COL22A1: variants seen among roughly 807,000 people sequenced by gnomAD.
COL22A1 encodes collagen alpha-1(XXII) chain.
In COL22A1, 221 loss-of-function variants were observed where a neutral mutation model predicts 248.9. That is an observed-to-expected ratio of 0.89 (90% CI 0.80 to 0.99). The LOEUF (loss-of-function observed/expected upper bound fraction) is 0.99. Ranked by LOEUF, COL22A1 falls within the 50% of genes least tolerant of loss-of-function variation. The pLI, the probability that COL22A1 is intolerant of heterozygous loss-of-function variation, is 0.00. For synonymous variants in COL22A1, 891 were observed against 793.4 expected, an observed-to-expected ratio of 1.12 and a Z score of -2.07; for missense variants, 2,240 against 2,179.0, an observed-to-expected ratio of 1.03 and a Z score of -0.56.
At chr8:138,743,192 GTGA>G (rs1831807424) in intron 22 of COL22A1, among the ~76,000 whole-genome samples, 1 of 151,018 alleles carries the variant, frequency 6.6e-6, no homozygotes, top group Admixed American at 6.6e-5. Context: ...GGAGTTGATG[GTGA>G]TGATGATGGT....
At chr8:138,879,010 A>AAACAAAACAG (rs1432459491) in intron 2 of COL22A1, among the ~76,000 whole-genome samples, 71 of 152,076 alleles carry the variant, frequency 4.7e-4, no homozygotes, top group African/African-American at 1.7e-3. Context: ...TCTGTCTCAA[A>AAACAAAACAG]AACAAAACAA....
intron 15 of COL22A1, 91 bp downstream of exon 15, chr8:138,778,262 T>C (rs1211864835): frequency 7.2e-7 from 1 of 1,397,662 alleles, no homozygotes; most frequent in South Asian, 1.2e-5. Flanking sequence ...AGCATTACTG[T>C]CTAGATGCAG....
chr8:138,910,725 G>A (rs537557709), intron 1 of COL22A1, among the ~76,000 whole-genome samples: 10 of 152,176 alleles, frequency 6.6e-5, no homozygotes, highest in South Asian at 2.1e-4. Context: ...TGGAAGGCCC[G>A]CATCATTCCC....
At position 138,725,259 on chromosome 8, in the gene COL22A1, T is replaced by C. The variant is rs545561268; in HGVS notation, c.2193+128A>G. ...GCGGTTCTACGTGTCGGGGTCCTCC[T>C]GTGTGTGTTTTTGCACTGGACTTGG... On this transcript the variant is annotated intron_variant, in intron 24 of 64. Transcript: ENST00000303045. 1.5e-4 allele frequency: 146 copies of C among 965,242 alleles called. No individual in the cohort carries two copies. The African/African-American group carries it at 2.2e-3, about 15-fold the overall frequency. The allele number at this position is 965,242 out of a possible 1,614,324, so 59.8% of individuals were successfully genotyped here.
In COL22A1 at chr8:138,612,742, C is replaced by A. The variant is rs549568756; in HGVS notation, c.3978+1125G>T. On this transcript the variant is annotated intron_variant, in intron 56 of 64. Coordinates refer to ENST00000303045, the MANE Select transcript of COL22A1 (RefSeq NM_152888.3). The stretch of plus-strand genomic sequence containing the variant: ...AGGAGTTCGAAACCAGCCTGGCCAA[C>A]GTGGCAAAACCCCATCTCTACTAAA... Among the ~76,000 whole-genome samples, 15 of 151,738 alleles carry A rather than the reference C, an allele frequency of 9.9e-5. No individual in the cohort carries two copies. The South Asian group carries it at 3.1e-3, about 32-fold the overall frequency.
intron 56 of COL22A1, among the ~76,000 whole-genome samples, chr8:138,612,374 C>A (rs1316003160): frequency 6.6e-6 from 1 of 152,142 alleles, no homozygotes; most frequent in Non-Finnish European, 1.5e-5. Flanking sequence ...CCTTCTCCAT[C>A]CTCTCAGGCT....
intron 16 of COL22A1, 119 bp from the exon 17 acceptor site, chr8:138,762,585 C>CGT: frequency 1.5e-6 from 1 of 685,932 alleles, no homozygotes; most frequent in South Asian, 1.7e-5. Context: ...GCCAAACGCA[C>CGT]GTGCACACAC....
At chr8:138,623,483 C>A (rs968357891) in intron 52 of COL22A1, among the ~76,000 whole-genome samples, 2 of 152,038 alleles carry the variant, frequency 1.3e-5, no homozygotes, top group African/African-American at 4.8e-5. Context: ...GCCCTGGGCT[C>A]AGGTTCAGAT....
In COL22A1 at chr8:138,724,700, T is replaced by C. The variant is rs1366346427; in HGVS notation, c.2194-32A>G. The C allele has an allele frequency of 1.9e-6, 3 of 1,605,888 alleles. No individual in the cohort carries two copies. The South Asian group carries it at 3.3e-5, about 18-fold the overall frequency. ...GGGGACCACATGGACCCTGTTAGCCTGGCCTGTTCAGAGATCAGATCATTG... is the reference window on the plus strand; with the variant it reads ...GGGGACCACATGGACCCTGTTAGCCCGGCCTGTTCAGAGATCAGATCATTG... On this transcript the variant is annotated intron_variant, in intron 24 of 64. Coordinates refer to ENST00000303045, the MANE Select transcript of COL22A1 (RefSeq NM_152888.3).
At chr8:138,896,375 G>C (rs1273553322) in intron 1 of COL22A1, among the ~76,000 whole-genome samples, 1 of 152,134 alleles carries the variant, frequency 6.6e-6, no homozygotes, top group Non-Finnish European at 1.5e-5. Flanking sequence ...TTAAATGAAA[G>C]TAAGGTTTCT....
intron 22 of COL22A1, among the ~76,000 whole-genome samples, chr8:138,739,825 C>G (rs1249778772): frequency 6.6e-6 from 1 of 151,938 alleles, no homozygotes; most frequent in Non-Finnish European, 1.5e-5. Flanking sequence ...AGTGAGTGAG[C>G]CTGGTTTAGA....
chr8:138,901,520 C>T (rs534786227), intron 1 of COL22A1, among the ~76,000 whole-genome samples: 8 of 152,114 alleles, frequency 5.3e-5, no homozygotes, highest in African/African-American at 1.4e-4. Flanking sequence ...GTACATACCA[C>T]CATGCCCAGC....
At chr8:138,677,990 G>T (rs541125250) in intron 40 of COL22A1, among the ~76,000 whole-genome samples, 71 of 152,338 alleles carry the variant, frequency 4.7e-4, no homozygotes, top group African/African-American at 1.7e-3. Flanking sequence ...ACTCGATATT[G>T]CTAGGTAATT....
At chr8:138,743,902 A>G (rs76535159) in intron 22 of COL22A1, among the ~76,000 whole-genome samples, 1,681 of 152,300 alleles carry the variant, frequency 0.011, 44 homozygotes, top group African/African-American at 0.039. Context: ...AGGATGAGTT[A>G]ACAGAGTCAT....
At chr8:138,625,420 G>T (rs1380961849) in intron 51 of COL22A1, among the ~76,000 whole-genome samples, 3 of 152,116 alleles carry the variant, frequency 2.0e-5, no homozygotes, top group Non-Finnish European at 4.4e-5. Context: ...AGCAAGCAGA[G>T]GCCAAAGAGC....
chr8:138,704,204 C>A (rs1390896641), intron 30 of COL22A1, among the ~76,000 whole-genome samples: 1 of 152,202 alleles, frequency 6.6e-6, no homozygotes, highest in Non-Finnish European at 1.5e-5. Flanking sequence ...GGGGGCAGGG[C>A]ATAGCCGAAC....
At chr8:138,769,770 C>A (rs1247025532) in intron 16 of COL22A1, among the ~76,000 whole-genome samples, 4 of 152,202 alleles carry the variant, frequency 2.6e-5, no homozygotes, top group Admixed American at 6.5e-5. Flanking sequence ...CATGACACTG[C>A]CAACCCCTCA....
At chr8:138,613,247 CA>C (rs35361699) in intron 56 of COL22A1, among the ~76,000 whole-genome samples, 82,431 of 124,286 alleles carry the variant, frequency 0.66, 27,085 homozygotes, top group Middle Eastern at 0.83. Flanking sequence ...GACTCCGTTT[CA>C]AAAAAAAAAA....
intron 23 of COL22A1, among the ~76,000 whole-genome samples, chr8:138,728,096 A>G (rs1216246047): frequency 1.3e-5 from 2 of 152,076 alleles, no homozygotes; most frequent in East Asian, 1.9e-4. Flanking sequence ...GCAGGGGTGC[A>G]ATCATAGCTC....
Sources: gnomAD v4.1 joint callset for allele counts (sites outside exome capture counted in the v4.1 genomes callset) on GRCh38, gnomAD v4.1.1 for gene constraint, MANE v1.5 for transcripts, NCBI Gene and HGNC (gene_info 2026-07-23, HGNC 2026-07-21) for gene names.